Variants in ZNF804B observed in about 807,000 individuals in gnomAD.
ZNF804B encodes the protein zinc finger 804B.
Under a neutral mutation model 101.4 loss-of-function variants are expected in ZNF804B, and 80 were observed. The observed-to-expected ratio is 0.79, with a 90% CI of 0.66 to 0.95. The LOEUF (loss-of-function observed/expected upper bound fraction) is 0.95. Ranked by LOEUF, ZNF804B falls within the 40% of genes least tolerant of loss-of-function variation. ZNF804B has a pLI of 0.00. For missense variants in ZNF804B, 1,673 were observed against 1,561.9 expected (o/e 1.07, Z -1.20); for synonymous variants, 622 against 558.8 (o/e 1.11, Z -1.59).
chr7:88,944,545 C>G (rs1040693150), intron 1 of ZNF804B, among the ~76,000 whole-genome samples: 1 of 150,956 alleles, frequency 6.6e-6, no homozygotes, highest in African/African-American at 2.4e-5. Flanking sequence ...GAGATTTAAC[C>G]AACTGCAGAT....
At chr7:89,089,047 CTTTTTTTTTCTTTTT>C (rs1789846422) in intron 1 of ZNF804B, among the ~76,000 whole-genome samples, 1 of 145,966 alleles carries the variant, frequency 6.9e-6, no homozygotes, top group Non-Finnish European at 1.5e-5. Context: ...CCTTTTTTTC[CTTTTTTTTTCTTTTT>C]TTTTTTTTTC....
chr7:89,113,100 A>G (rs993104348), intron 1 of ZNF804B, among the ~76,000 whole-genome samples: 7 of 152,234 alleles, frequency 4.6e-5, no homozygotes, highest in African/African-American at 1.7e-4. Context: ...GTGTGAATAT[A>G]GAAGAAGTTG....
At chr7:89,167,573 T>C (rs2373801) in intron 1 of ZNF804B, among the ~76,000 whole-genome samples, 30,670 of 152,090 alleles carry the variant, frequency 0.2, 3,324 homozygotes, top group Non-Finnish European at 0.22. Context: ...AGTTGGAATA[T>C]AAGCAGGGTG....
chr7:88,935,264 A>C (rs1792949661), intron 1 of ZNF804B, among the ~76,000 whole-genome samples: 1 of 151,636 alleles, frequency 6.6e-6, no homozygotes, highest in African/African-American at 2.4e-5. Context: ...CAATGTATAT[A>C]GCTCAGGTGA....
chr7:89,284,882 A>G (rs1024364385), intron 2 of ZNF804B, among the ~76,000 whole-genome samples: 7 of 152,022 alleles, frequency 4.6e-5, no homozygotes. Flanking sequence ...GTGGCAGCAG[A>G]TGAGTTCTGA....
chr7:88,984,673 T>G (rs577723302), intron 1 of ZNF804B, among the ~76,000 whole-genome samples: 25 of 152,184 alleles, frequency 1.6e-4, no homozygotes, highest in African/African-American at 6.0e-4. Flanking sequence ...CCAAGTTAGC[T>G]CTCCAGAGCA....
At chr7:89,064,982 A>C (rs184381369) in intron 1 of ZNF804B, among the ~76,000 whole-genome samples, 1 of 152,234 alleles carries the variant, frequency 6.6e-6, no homozygotes, top group Admixed American at 6.5e-5. Context: ...TAGAAGGGAA[A>C]TTGCCTTGGT....
chr7:88,759,700 A>C lies in ZNF804B; in HGVS notation c.-277A>C. 2 of 411,908 alleles carry C rather than the reference A, an allele frequency of 4.9e-6. No individual in the cohort carries two copies. The highest frequency in any genetic ancestry group is 8.8e-6 in the Non-Finnish European group (2 of 226,216). 25.5% of individuals were successfully genotyped at this position (411,908 alleles called of 1,614,324 possible). ...ATATATCGCTGGCCCGCGGTTGAGC[A>C]GCCACCTCGTCAGAGCAGCATGTGG... On this transcript the variant is annotated 5_prime_UTR_variant, in exon 1 of 4. Transcript: ENST00000333190.
intron 2 of ZNF804B, among the ~76,000 whole-genome samples, chr7:89,316,975 G>A (rs73210806): frequency 0.029 from 4,421 of 152,292 alleles, 94 homozygotes; most frequent in Middle Eastern, 0.082. Context: ...AGAGGGGCCA[G>A]CAAACACTCC....
chr7:89,115,058 A>C (rs1790287525), intron 1 of ZNF804B, among the ~76,000 whole-genome samples: 1 of 152,202 alleles, frequency 6.6e-6, no homozygotes, highest in South Asian at 2.1e-4. Flanking sequence ...AGGAATGTGG[A>C]AAACATAGTT....
intron 1 of ZNF804B, among the ~76,000 whole-genome samples, chr7:89,126,348 G>T (rs1790474016): frequency 6.6e-6 from 1 of 151,882 alleles, no homozygotes; most frequent in Non-Finnish European, 1.5e-5. Flanking sequence ...CCACAGCCAT[G>T]GGAGAAATAC....
intron 2 of ZNF804B, among the ~76,000 whole-genome samples, chr7:89,258,255 A>C (rs1404673453): frequency 6.6e-6 from 1 of 152,122 alleles, no homozygotes; most frequent in Admixed American, 6.6e-5. Context: ...AAGGAACTTG[A>C]GCATCTGCAG....
intron 1 of ZNF804B, among the ~76,000 whole-genome samples, chr7:88,904,912 T>C (rs1457013706): frequency 6.6e-6 from 1 of 152,200 alleles, no homozygotes; most frequent in Non-Finnish European, 1.5e-5. Flanking sequence ...GTTTGACGTC[T>C]TCTTTTCCTA....
intron 1 of ZNF804B, among the ~76,000 whole-genome samples, chr7:88,902,074 A>G (rs1792399851): frequency 6.6e-6 from 1 of 151,920 alleles, no homozygotes; most frequent in Non-Finnish European, 1.5e-5. Flanking sequence ...ATATTACAAC[A>G]TTCATCATTC....
chr7:88,998,451 T>G (rs555134321), intron 1 of ZNF804B, among the ~76,000 whole-genome samples: 2 of 152,042 alleles, frequency 1.3e-5, no homozygotes, highest in Admixed American at 1.3e-4. Context: ...TTCCATGGAT[T>G]GGGAGAGCAG....
At chr7:88,962,262 A>G (rs1422202427) in intron 1 of ZNF804B, among the ~76,000 whole-genome samples, 1 of 151,252 alleles carries the variant, frequency 6.6e-6, no homozygotes, top group East Asian at 2.0e-4. Flanking sequence ...TTCTCTTCAC[A>G]CAGCATCATT....
At chr7:89,011,253 T>C (rs139731651) in intron 1 of ZNF804B, among the ~76,000 whole-genome samples, 3,424 of 152,214 alleles carry the variant, frequency 0.022, 132 homozygotes, top group African/African-American at 0.078. Context: ...TCCAATTACC[T>C]CCACCTGGTC....
chr7:89,305,501 A>G (rs1487277961), intron 2 of ZNF804B, among the ~76,000 whole-genome samples: 1 of 151,918 alleles, frequency 6.6e-6, no homozygotes, highest in Non-Finnish European at 1.5e-5. Context: ...TTTCCAAGGT[A>G]ATTAGGTGTT....
chr7:89,053,199 T>C (rs1562871636), intron 1 of ZNF804B, among the ~76,000 whole-genome samples: 1 of 152,160 alleles, frequency 6.6e-6, no homozygotes. Flanking sequence ...GTCTGTCGAA[T>C]GAATAAGTGA....
Sources: allele counts gnomAD v4.1 joint callset (sites outside exome capture counted in the v4.1 genomes callset), GRCh38; gene constraint gnomAD v4.1.1; transcripts MANE v1.5; gene names NCBI Gene and HGNC (gene_info 2026-07-23, HGNC 2026-07-21).